GRM5: variants seen among roughly 807,000 people sequenced by gnomAD.
The protein encoded by GRM5 is glutamate metabotropic receptor 5.
A neutral mutation model predicts 83.1 loss-of-function variants in GRM5; 19 were observed. That is an observed-to-expected ratio of 0.23 (90% CI 0.16 to 0.34). GRM5 has a LOEUF of 0.34. Ranked by LOEUF, GRM5 falls within the 10% of genes least tolerant of loss-of-function variation. The probability of loss-of-function intolerance (pLI) is 1.00; values close to 1 mark genes in which losing one functional copy is unlikely to be tolerated. For synonymous variants in GRM5, 675 were observed against 633.6 expected (o/e 1.07, Z -0.98); for missense variants, 1,160 against 1,588.3 (o/e 0.73, Z 4.58).
chr11:88,707,312 T>C (rs1941184418), intron 3 of GRM5, among the ~76,000 whole-genome samples: 1 of 152,132 alleles, frequency 6.6e-6, no homozygotes, highest in Non-Finnish European at 1.5e-5. Flanking sequence ...GTAGGTTCTA[T>C]ATAAGTATAT....
At chr11:88,946,580 G>C (rs1267923082) in intron 2 of GRM5, among the ~76,000 whole-genome samples, 3 of 151,984 alleles carry the variant, frequency 2.0e-5, no homozygotes, top group Non-Finnish European at 4.4e-5. Flanking sequence ...ATCAAATATT[G>C]CATGTTTTCA....
At chr11:88,728,560 A>C (rs1941734907) in intron 3 of GRM5, among the ~76,000 whole-genome samples, 1 of 152,192 alleles carries the variant, frequency 6.6e-6, no homozygotes, top group African/African-American at 2.4e-5. Context: ...AACCTGGCAG[A>C]GACACAACAA....
intron 2 of GRM5, among the ~76,000 whole-genome samples, chr11:89,042,288 T>C (rs1165872873): frequency 6.6e-6 from 1 of 152,098 alleles, no homozygotes; most frequent in Admixed American, 6.6e-5. Context: ...AATAAAACAA[T>C]GCAATGGAGA....
intron 5 of GRM5, 25 bp from the exon 6 acceptor site, chr11:88,597,377 A>T (rs1937841883): frequency 1.6e-6 from 2 of 1,256,166 alleles, no homozygotes; most frequent in African/African-American, 1.5e-5. Context: ...TATGATAATT[A>T]TGCAGCTTAA....
At chr11:88,998,351 A>G (rs1243443328) in intron 2 of GRM5, among the ~76,000 whole-genome samples, 1 of 152,200 alleles carries the variant, frequency 6.6e-6, no homozygotes, top group African/African-American at 2.4e-5. Flanking sequence ...CAGAGATACC[A>G]TTTGATAAAA....
intron 5 of GRM5, among the ~76,000 whole-genome samples, chr11:88,604,249 A>T (rs977492828): frequency 6.6e-6 from 1 of 152,228 alleles, no homozygotes; most frequent in Non-Finnish European, 1.5e-5. Context: ...CTGGAGAATA[A>T]TAAAATAAAA....
intron 4 of GRM5, among the ~76,000 whole-genome samples, chr11:88,640,347 T>C (rs1335657617): frequency 1.3e-5 from 2 of 152,226 alleles, no homozygotes; most frequent in Admixed American, 1.3e-4. Context: ...TAAATAATAA[T>C]GTGAGTTCAG....
At chr11:88,894,338 T>C (rs543318814) in intron 2 of GRM5, among the ~76,000 whole-genome samples, 1 of 152,134 alleles carries the variant, frequency 6.6e-6, no homozygotes, top group South Asian at 2.1e-4. Flanking sequence ...CCCCTTTCTC[T>C]ATAAAGAAAG....
Position 89,009,911 on chromosome 11 carries a change from A to AC in GRM5, c.661+37300_661+37301insG, listed in dbSNP as rs1565333831. The stretch of plus-strand genomic sequence containing the variant: ...GCGAGACTCCGTCTCAAAAAAAAAA[A>AC]AAAAAAAAAAAAAAAAAAACACACA... On this transcript the variant is annotated intron_variant, in intron 2 of 9. Transcript: ENST00000305447. Among the ~76,000 whole-genome samples, 9 of 126,960 alleles carry AC rather than the reference A, an allele frequency of 7.1e-5. No homozygotes were observed. The East Asian group carries it at 1.1e-3, about 16-fold the overall frequency. 83.3% of individuals were successfully genotyped at this position (126,960 alleles called of 152,430 possible).
intron 3 of GRM5, among the ~76,000 whole-genome samples, chr11:88,675,198 C>G (rs1326221456): frequency 6.6e-6 from 1 of 151,872 alleles, no homozygotes; most frequent in Non-Finnish European, 1.5e-5. Flanking sequence ...ACACTGTGTG[C>G]TTAATTCTGC....
rs180901753 is a variant in GRM5, at chr11:88,872,977, C to T, written c.662-22822G>A. Among the ~76,000 whole-genome samples, 506 of 147,756 alleles carry T rather than the reference C, an allele frequency of 3.4e-3. 3 individuals are homozygous for T. The highest frequency in any genetic ancestry group is 4.4e-3 in the Admixed American group (65 of 14,806). Reference sequence around the variant, plus strand: ...TGCTCATACAAGAAACTCATTTCATCTATAAAGATACACGAAGACTGAAAG... The same window carrying T: ...TGCTCATACAAGAAACTCATTTCATTTATAAAGATACACGAAGACTGAAAG... On this transcript the variant is annotated intron_variant, in intron 2 of 9. Transcript: ENST00000305447.
chr11:88,773,511 C>T (rs943204668), intron 3 of GRM5, among the ~76,000 whole-genome samples: 4 of 152,148 alleles, frequency 2.6e-5, no homozygotes, highest in Non-Finnish European at 5.9e-5. Flanking sequence ...GTGTTTTAGT[C>T]ATGAAACCCT....
rs751953467 is a variant in GRM5 at position 88,981,244 on chromosome 11, T to C, written c.661+65968A>G. Reference sequence around the variant, plus strand: ...TTAGATAGGCCACTGCATTCAAACATTATATGAACCTTTTTACCCAAATAT... The same window carrying C: ...TTAGATAGGCCACTGCATTCAAACACTATATGAACCTTTTTACCCAAATAT... On this transcript the variant is annotated intron_variant, in intron 2 of 9. Transcript: ENST00000305447. Among the ~76,000 whole-genome samples the C allele has an allele frequency of 1.6e-4, 25 of 152,310 alleles. 1 individual carries two copies. Among genetic ancestry groups the C allele is most frequent in the Middle Eastern group, 3.4e-3 (1 of 294 alleles).
intron 2 of GRM5, among the ~76,000 whole-genome samples, chr11:88,949,567 C>A (rs1240695072): frequency 5.9e-5 from 9 of 152,138 alleles, no homozygotes; most frequent in Admixed American, 2.6e-4. Context: ...GAGACTGAGG[C>A]AGTGTTCCAT....
chr11:88,648,560 G>C (rs1031416924), intron 4 of GRM5, among the ~76,000 whole-genome samples: 13 of 135,388 alleles, frequency 9.6e-5, no homozygotes, highest in Admixed American at 3.0e-4. Context: ...GCTAGATGAC[G>C]AGTTAGTGGG....
intron 6 of GRM5, among the ~76,000 whole-genome samples, chr11:88,595,345 C>A (rs1221698911): frequency 6.6e-6 from 1 of 152,100 alleles, no homozygotes; most frequent in Non-Finnish European, 1.5e-5. Flanking sequence ...AGAATTTATT[C>A]CTCCTATCTA....
intron 6 of GRM5, among the ~76,000 whole-genome samples, chr11:88,594,045 G>A (rs1937729202): frequency 6.6e-6 from 1 of 152,002 alleles, no homozygotes; most frequent in African/African-American, 2.4e-5. Context: ...CGCCCGCCTA[G>A]GCCTCTCAAA....
intron 3 of GRM5, among the ~76,000 whole-genome samples, chr11:88,732,123 C>CA (rs1253675015): frequency 6.6e-6 from 1 of 152,058 alleles, no homozygotes; most frequent in East Asian, 1.9e-4. Flanking sequence ...CCCCACTACA[C>CA]ACTGTACATG....
At chr11:88,738,451 A>C (rs1249487050) in intron 3 of GRM5, among the ~76,000 whole-genome samples, 1 of 152,068 alleles carries the variant, frequency 6.6e-6, no homozygotes, top group Non-Finnish European at 1.5e-5. Context: ...AAGCTGGGTA[A>C]AAAATGTATT....
Sources: allele counts gnomAD v4.1 joint callset (sites outside exome capture counted in the v4.1 genomes callset), GRCh38; gene constraint gnomAD v4.1.1; transcripts MANE v1.5; gene names NCBI Gene and HGNC (gene_info 2026-07-23, HGNC 2026-07-21).